Variants in INPP4B observed in about 807,000 individuals in gnomAD.
INPP4B encodes the protein inositol polyphosphate 4-phosphatase type II.
INPP4B carries 55 observed loss-of-function variants against 122.5 expected under a neutral mutation model. The ratio of observed to expected loss-of-function variants is 0.45; its 90% CI spans 0.36 to 0.56. The LOEUF is 0.56. Ranked by LOEUF, INPP4B falls within the 20% of genes least tolerant of loss-of-function variation. The pLI is 0.00. For synonymous variants in INPP4B, 403 were observed against 388.7 expected (o/e 1.04, Z -0.43); for missense variants, 1,000 against 1,097.7 (o/e 0.91, Z 1.26).
chr4:142,465,838 G>T (rs981175696), intron 2 of INPP4B, among the ~76,000 whole-genome samples: 1 of 152,080 alleles, frequency 6.6e-6, no homozygotes, highest in African/African-American at 2.4e-5. Context: ...GAGTGTGACA[G>T]CTCCTCCCCA....
rs991711840 is a variant in INPP4B at position 142,028,616 on chromosome 4, G to T, written c.*166C>A. 6 of 640,714 alleles carry T rather than the reference G, an allele frequency of 9.4e-6. No homozygotes were observed. The highest frequency in any genetic ancestry group is 6.5e-5 in the Admixed American group (2 of 30,964). The allele number at this position is 640,714 out of a possible 1,614,324, so 39.7% of individuals were successfully genotyped here. A position where few individuals can be genotyped will look rare whatever the true frequency, so the allele number is the denominator to read the frequency against. On this transcript the variant is annotated 3_prime_UTR_variant, in exon 26 of 26. Transcript: ENST00000262992. ...TTTTTTAAAATGGATTTCTTTCAGA[G>T]CAATATGCTGATGATGAATTGAAGT...
intron 2 of INPP4B, among the ~76,000 whole-genome samples, chr4:142,481,119 G>C (rs1296920539): frequency 1.4e-5 from 2 of 138,068 alleles, no homozygotes; most frequent in Non-Finnish European, 3.1e-5. Flanking sequence ...TGGCAACAGA[G>C]CGAGACTCTG....
At chr4:142,391,510 C>T (rs978307610) in intron 7 of INPP4B, among the ~76,000 whole-genome samples, 2 of 152,170 alleles carry the variant, frequency 1.3e-5, no homozygotes, top group South Asian at 2.1e-4. Context: ...TGCAGTAAGC[C>T]GAGATCGTGC....
chr4:142,371,800 TG>T (rs2148710202), intron 7 of INPP4B, among the ~76,000 whole-genome samples: 1 of 151,346 alleles, frequency 6.6e-6, no homozygotes, highest in South Asian at 2.1e-4. Context: ...GGCAAATATG[TG>T]AGGAAAGGGA....
intron 3 of INPP4B, among the ~76,000 whole-genome samples, chr4:142,442,968 A>G (rs1812143257): frequency 6.6e-6 from 1 of 152,136 alleles, no homozygotes; most frequent in Admixed American, 6.5e-5. Flanking sequence ...CATTTATAAA[A>G]CCATCAGATC....
chr4:142,758,952 CAAAA>C (rs374234375), intron 1 of INPP4B, among the ~76,000 whole-genome samples: 1 of 96,836 alleles, frequency 1.0e-5, no homozygotes, highest in African/African-American at 3.6e-5. Flanking sequence ...GACTCAGTCT[CAAAA>C]AAAAAAAAAA....
At chr4:142,812,896 A>G (rs1779678341) in intron 1 of INPP4B, among the ~76,000 whole-genome samples, 1 of 152,176 alleles carries the variant, frequency 6.6e-6, no homozygotes, top group African/African-American at 2.4e-5. Flanking sequence ...CCAGTCACAT[A>G]TGGGGGATTT....
intron 1 of INPP4B, among the ~76,000 whole-genome samples, chr4:142,781,065 T>C (rs1319233161): frequency 6.6e-6 from 1 of 152,200 alleles, no homozygotes; most frequent in Non-Finnish European, 1.5e-5. Flanking sequence ...TTTAGGTACA[T>C]GCGAGATATT....
intron 1 of INPP4B, among the ~76,000 whole-genome samples, chr4:142,785,355 T>TTCAGATAAAACAGTTTAGAATTA (rs1775607521): frequency 6.6e-6 from 1 of 151,930 alleles, no homozygotes; most frequent in African/African-American, 2.4e-5. Context: ...TGACATGAGA[T>TTCAGATAAAACAGTTTAGAATTA]TCAGATAAAA....
chr4:142,643,728 A>G (rs566893712), intron 2 of INPP4B, among the ~76,000 whole-genome samples: 13 of 152,318 alleles, frequency 8.5e-5, no homozygotes, highest in Middle Eastern at 6.8e-3. Context: ...AAAATACTTA[A>G]TAGCTAATTG....
chr4:142,625,496 TAGA>T (rs1311612119), intron 2 of INPP4B, among the ~76,000 whole-genome samples: 1 of 152,086 alleles, frequency 6.6e-6, no homozygotes, highest in African/African-American at 2.4e-5. Flanking sequence ...CACAAACAAA[TAGA>T]AGAACATTCC....
intron 1 of INPP4B, among the ~76,000 whole-genome samples, chr4:142,781,049 C>T (rs1003396545): frequency 1.3e-5 from 2 of 152,098 alleles, no homozygotes. Context: ...TATAACAATG[C>T]GGTTCTTTAG....
rs146451552 is a variant in INPP4B, at chr4:142,736,071, T to C, written c.-253-10170A>G. Among the ~76,000 whole-genome samples the C allele has an allele frequency of 2.8e-3, 426 of 152,200 alleles. 2 individuals carry two copies. Among genetic ancestry groups the C allele is most frequent in the African/African-American group, 9.4e-3 (391 of 41,530 alleles). On this transcript the variant is annotated intron_variant, in intron 1 of 25. Coordinates refer to ENST00000262992, the MANE Select transcript of INPP4B (RefSeq NM_001101669.3). The stretch of plus-strand genomic sequence containing the variant: ...GTCAAATTCTGAGAGTTTAGACCTC[T>C]TATACTCAAATGGTGATCCATAAAC...
rs115477326 is a variant in INPP4B, at chr4:142,809,443, A to G, written c.-254+36766T>C. On this transcript the variant is annotated intron_variant, in intron 1 of 25. Coordinates refer to ENST00000262992, the MANE Select transcript of INPP4B (RefSeq NM_001101669.3). ...TTCCAGCTGTTCTAACAAGTGTTAC[A>G]GAGATCCATTAGTCTCTAATACCTT... Among the ~76,000 whole-genome samples the G allele has an allele frequency of 5.5e-3, 843 of 152,314 alleles. 9 individuals carry two copies. Among genetic ancestry groups the G allele is most frequent in the African/African-American group, 0.019 (804 of 41,578 alleles).
chr4:142,585,281 T>A (rs1403717693), intron 2 of INPP4B, among the ~76,000 whole-genome samples: 1 of 152,192 alleles, frequency 6.6e-6, no homozygotes, highest in African/African-American at 2.4e-5. Flanking sequence ...TTTTAGTTAT[T>A]TAATACTGCC....
intron 14 of INPP4B, among the ~76,000 whole-genome samples, chr4:142,201,799 G>A (rs998786513): frequency 3.3e-5 from 5 of 151,830 alleles, no homozygotes; most frequent in Admixed American, 2.6e-4. Flanking sequence ...CAATTTGGTC[G>A]GTAAAATCCG....
chr4:142,737,437 C>A lies in INPP4B; in HGVS notation c.-253-11536G>T, dbSNP rs1034240340. Among the ~76,000 whole-genome samples, 9 of 152,234 alleles carry A rather than the reference C, an allele frequency of 5.9e-5. No individual in the cohort carries two copies. In the East Asian group the frequency reaches 1.7e-3, roughly 29 times the overall value. On this transcript the variant is annotated intron_variant, in intron 1 of 25. Coordinates refer to ENST00000262992, the MANE Select transcript of INPP4B (RefSeq NM_001101669.3). ...TAGAAAGCTGAAACTGGATCCCTTC[C>A]TTACACCTTATACAAAAATTAATTC...
chr4:142,773,811 CTGT>C (rs1471943547), intron 1 of INPP4B, among the ~76,000 whole-genome samples: 2 of 152,120 alleles, frequency 1.3e-5, no homozygotes, highest in Admixed American at 6.5e-5. Context: ...AAAATTTCTG[CTGT>C]TGTTGTTTCC....
intron 25 of INPP4B, chr4:142,029,657 A>G (rs1738577561): frequency 1.0e-6 from 1 of 985,636 alleles, no homozygotes; most frequent in African/African-American, 1.7e-5. Context: ...ATTGCAGCAA[A>G]GAAGTAAAAC....
Sources: gnomAD v4.1 joint callset for allele counts (sites outside exome capture counted in the v4.1 genomes callset) on GRCh38, gnomAD v4.1.1 for gene constraint, MANE v1.5 for transcripts, NCBI Gene and HGNC (gene_info 2026-07-23, HGNC 2026-07-21) for gene names.